FAM149A: variants seen among roughly 807,000 people sequenced by gnomAD.
The protein encoded by FAM149A is protein FAM149A.
In FAM149A, 71 loss-of-function variants were observed where a neutral mutation model predicts 78.2. That is an observed-to-expected ratio of 0.91 (90% CI 0.75 to 1.11). The LOEUF (loss-of-function observed/expected upper bound fraction) is 1.11. Ranked by LOEUF, FAM149A falls within the 50% of genes least tolerant of loss-of-function variation. The pLI is 0.00. For synonymous variants in FAM149A, 446 were observed against 410.5 expected (o/e 1.09, Z -1.04); for missense variants, 1,036 against 971.0 (o/e 1.07, Z -0.89).
rs1345349063 is a variant in FAM149A, at chr4:186,167,080, C to T, written c.2123C>T (p.Thr708Ile). The change falls in exon 12 of 14, where the codon ACA becomes ATA. Residue 708 changes from threonine (T) to isoleucine (I), a missense_variant. Thr to Ile is a moderately conservative substitution (Grantham distance 89). Around this residue, in one of 3 missense-constraint regions of FAM149A, gnomAD observed 716 missense variants for 711.8 expected, o/e 1.01. Transcript: ENST00000389354. ...CTGGAACGGTTGTCAAGGCCCAGCA[C>T]AACCCACACGTTCCGGGTGGGTTCT... 1 of 1,614,080 alleles carries T rather than the reference C, an allele frequency of 6.2e-7. No individual in the cohort carries two copies. Among genetic ancestry groups the T allele is most frequent in the South Asian group, 1.1e-5 (1 of 91,072 alleles).
chr4:186,104,900 A>C lies in FAM149A; in HGVS notation c.-177A>C. 2 of 919,846 alleles carry C rather than the reference A, an allele frequency of 2.2e-6. No homozygotes were observed. The highest frequency in any genetic ancestry group is 2.6e-6 in the Non-Finnish European group (2 of 770,422). 57.0% of individuals were successfully genotyped at this position (919,846 alleles called of 1,614,324 possible). A position where few individuals can be genotyped will look rare whatever the true frequency, so the allele number is the denominator to read the frequency against. The stretch of plus-strand genomic sequence containing the variant: ...TCGGCGGACGGACCCGGGCCGGGGA[A>C]GGGCGACCCCAGCGGCGCGGAGCTG... On this transcript the variant is annotated 5_prime_UTR_variant, in exon 1 of 14. Transcript: ENST00000389354.
chr4:186,143,377 C>T (rs1732685531), intron 1 of FAM149A, among the ~76,000 whole-genome samples: 1 of 141,976 alleles, frequency 7.0e-6, no homozygotes, highest in South Asian at 2.4e-4. Context: ...CTTAAGATAC[C>T]ATAGTTTTCC....
rs1733617557 is a variant in FAM149A at position 186,151,936 on chromosome 4, CGGTTACTCT to C, written c.826_834del (p.Leu276_Trp278del). The C allele has an allele frequency of 1.3e-5, 21 of 1,614,074 alleles. No homozygotes were observed. The East Asian group carries it at 4.7e-4, about 36-fold the overall frequency. Reference sequence around the variant, plus strand: ...CGAAGCCAGTTCACAGTCAGTGCAGCGGTTACTCTGGGAGGTGGAGGAAATGTTATTTGA... The same window carrying C: ...CGAAGCCAGTTCACAGTCAGTGCAGCGGGAGGTGGAGGAAATGTTATTTGA... On this transcript the variant is annotated inframe_deletion, in exon 4 of 14. Coordinates refer to ENST00000389354, the MANE Select transcript of FAM149A (RefSeq NM_001367768.3).
In FAM149A at chr4:186,154,634, G is replaced by C. The variant is rs1464793359; in HGVS notation, c.1225G>C (p.Glu409Gln). The change falls in exon 6 of 14, where the codon GAG becomes CAG. Residue 409 changes from glutamate (E) to glutamine (Q), a missense_variant. Glu to Gln is a conservative substitution (Grantham distance 29). Transcript: ENST00000389354. ...GGAGTATTTCGCTTTTGACAGAAAA[G>C]AGGAGTAAATAGAATCTTATTTGAC... The C allele has an allele frequency of 2.8e-5, 45 of 1,613,136 alleles. No homozygotes were observed. Among genetic ancestry groups the C allele is most frequent in the Non-Finnish European group, 3.7e-5 (44 of 1,179,396 alleles).
intron 1 of FAM149A, among the ~76,000 whole-genome samples, chr4:186,120,423 C>G (rs2099315483): frequency 6.6e-6 from 1 of 152,064 alleles, no homozygotes; most frequent in South Asian, 2.1e-4. Flanking sequence ...AAATCTACTT[C>G]CAAAGTAATT....
chr4:186,160,579 TATC>T (rs912023243), intron 8 of FAM149A, among the ~76,000 whole-genome samples: 5 of 121,478 alleles, frequency 4.1e-5, no homozygotes, highest in East Asian at 2.6e-4. Context: ...ACACACCACA[TATC>T]ATACACACAC....
chr4:186,149,771 T>G (rs1350721738), intron 3 of FAM149A, 67 bp downstream of exon 3: 4 of 1,106,352 alleles, frequency 3.6e-6, no homozygotes, highest in Non-Finnish European at 4.6e-6. Flanking sequence ...CTTCCTTATA[T>G]TCAAAATTAT....
chr4:186,107,261 G>T (rs769531805), intron 1 of FAM149A, among the ~76,000 whole-genome samples: 3 of 152,198 alleles, frequency 2.0e-5, no homozygotes, highest in Non-Finnish European at 2.9e-5. Flanking sequence ...ACTGGTGTTA[G>T]TTTCAATTCT....
rs528823246 is a variant in FAM149A at position 186,167,060 on chromosome 4, A to G, written c.2103A>G (p.Glu701=). The change falls in exon 12 of 14, where the codon GAA becomes GAG. Residue 701 remains glutamate, a synonymous_variant. Transcript: ENST00000389354. ...TTCGAGAAAGAACAGCCACCCTGGA[A>G]CGGTTGTCAAGGCCCAGCACAACCC... is the stretch of plus-strand genomic sequence containing the variant. 44 of 1,614,166 alleles carry G rather than the reference A, an allele frequency of 2.7e-5. 1 individual carries two copies. The South Asian group carries it at 4.4e-4, about 16-fold the overall frequency.
intron 1 of FAM149A, chr4:186,130,293 C>CTCTCTCTCTCTCTCTCTCTCTCTCTATA: frequency 6.9e-4 from 32 of 46,574 alleles, no homozygotes; most frequent in South Asian, 3.2e-3. Flanking sequence ...CTCTCTCTCT[C>CTCTCTCTCTCTCTCTCTCTCTCTCTATA]TATATATATA....
chr4:186,136,245 AAG>A (rs2126380882), intron 1 of FAM149A, among the ~76,000 whole-genome samples: 1 of 152,336 alleles, frequency 6.6e-6, no homozygotes, highest in African/African-American at 2.4e-5. Flanking sequence ...TTTATGTTGA[AAG>A]ACTGTTTAAT....
intron 1 of FAM149A, among the ~76,000 whole-genome samples, chr4:186,132,730 AAGGTGAACAT>A (rs2099321231): frequency 6.6e-6 from 1 of 152,200 alleles, no homozygotes. Context: ...TATGCAAGAT[AAGGTGAACAT>A]AGGCTAGCCA....
At chr4:186,129,905 A>G (rs977176157) in intron 1 of FAM149A, 2 of 152,208 alleles carry the variant, frequency 1.3e-5, no homozygotes, top group African/African-American at 2.4e-5. Flanking sequence ...GTAAATAGGA[A>G]GCATTGGTAG....
Position 186,122,097 on chromosome 4 carries a change from G to T in FAM149A, c.566+16455G>T, listed in dbSNP as rs56836127. Among the ~76,000 whole-genome samples, 448 of 152,202 alleles carry T rather than the reference G, an allele frequency of 2.9e-3. 1 individual carries two copies. The highest frequency in any genetic ancestry group is 8.9e-3 in the African/African-American group (369 of 41,482). ...TCAATTATGTCTTTATATTAAGTGA[G>T]AAAATTGCTGACAACATATAGATAA... On this transcript the variant is annotated intron_variant, in intron 1 of 13. Coordinates refer to ENST00000389354, the MANE Select transcript of FAM149A (RefSeq NM_001367768.3).
rs1734902969 is a variant in FAM149A, at chr4:186,164,882, T to C, written c.1890-462T>C. ...CTGAGGAGCCCTTTTCGACCATTCT[T>C]CCCAATTGCTCTCCCTACACATGGA... On this transcript the variant is annotated intron_variant, in intron 10 of 13. Transcript: ENST00000389354. This position sits in a 1 kb window ranked among gnomAD's most constrained non-coding sequence, Gnocchi z 4.0. Among the ~76,000 whole-genome samples, 2 of 152,078 alleles carry C rather than the reference T, an allele frequency of 1.3e-5. No individual in the cohort carries two copies. Among genetic ancestry groups the C allele is most frequent in the Non-Finnish European group, 2.9e-5 (2 of 68,026 alleles).
intron 1 of FAM149A, among the ~76,000 whole-genome samples, chr4:186,141,565 T>C (rs1198013114): frequency 6.6e-6 from 1 of 152,162 alleles, no homozygotes; most frequent in African/African-American, 2.4e-5. Flanking sequence ...GTTTTGAAAT[T>C]TGAGAGAAGA....
chr4:186,124,870 A>G (rs2099317637), intron 1 of FAM149A, among the ~76,000 whole-genome samples: 1 of 152,144 alleles, frequency 6.6e-6, no homozygotes, highest in Admixed American at 6.5e-5. Flanking sequence ...ACTAGTTTAC[A>G]GTCCCACCAA....
chr4:186,124,892 T>C (rs36193841), intron 1 of FAM149A, among the ~76,000 whole-genome samples: 146,835 of 151,302 alleles, frequency 0.97, 71,277 homozygotes, highest in East Asian at 1. Flanking sequence ...AGTGTAAAAG[T>C]GTTCCTATTT....
chr4:186,125,321 A>G (rs1489871070), intron 1 of FAM149A: 161 of 985,124 alleles, frequency 1.6e-4, no homozygotes, highest in Non-Finnish European at 1.9e-4. Context: ...TTCTCGTTGG[A>G]TGAACACAGA....
Sources: allele counts gnomAD v4.1 joint callset (sites outside exome capture counted in the v4.1 genomes callset), GRCh38; gene constraint gnomAD v4.1.1; regional missense constraint gnomAD v4.1.1; non-coding constraint Gnocchi (gnomAD v3.1); transcripts MANE v1.5; gene names NCBI Gene and HGNC (gene_info 2026-07-23, HGNC 2026-07-21).